TENM2: variants seen among roughly 807,000 people sequenced by gnomAD.
The protein encoded by TENM2 is teneurin-2.
TENM2 carries 52 observed loss-of-function variants against 245.2 expected under a neutral mutation model. The observed-to-expected ratio is 0.21, with a 90% CI of 0.17 to 0.27. The LOEUF (loss-of-function observed/expected upper bound fraction) is 0.27, where lower values mean the gene tolerates loss of function less well. TENM2 is among the 10% of genes least tolerant of loss of function. TENM2 has a pLI of 1.00. For synonymous variants in TENM2, 1,363 were observed against 1,438.9 expected (o/e 0.95, Z 1.19); for missense variants, 3,046 against 3,666.8 (o/e 0.83, Z 4.37).
chr5:167,082,442 C>T, the TENM2 span, among the ~76,000 whole-genome samples: 1 of 152,164 alleles, frequency 6.6e-6, no homozygotes, highest in Non-Finnish European at 1.5e-5. Flanking sequence ...TGCCACCAGG[C>T]TCAGCTAATT....
chr5:167,985,671 C>T (rs1783189695), intron 4 of TENM2, among the ~76,000 whole-genome samples: 1 of 152,210 alleles, frequency 6.6e-6, no homozygotes, highest in African/African-American at 2.4e-5. Flanking sequence ...TTGTATAGTA[C>T]ATTTCTTTTC....
At chr5:167,312,810 C>T (rs1204209727) in intron 1 of TENM2, among the ~76,000 whole-genome samples, 3 of 151,688 alleles carry the variant, frequency 2.0e-5, no homozygotes, top group African/African-American at 7.3e-5. Flanking sequence ...CTGCAGTGTT[C>T]TCGGAGGGTT....
At chr5:168,089,271 C>T (rs1375407609) in intron 7 of TENM2, among the ~76,000 whole-genome samples, 1 of 152,168 alleles carries the variant, frequency 6.6e-6, no homozygotes, top group Non-Finnish European at 1.5e-5. Flanking sequence ...CCCTTTTCAC[C>T]TCACCCCTGG....
At chr5:167,897,645 G>T (rs1335373507) in intron 3 of TENM2, among the ~76,000 whole-genome samples, 1 of 152,106 alleles carries the variant, frequency 6.6e-6, no homozygotes, top group African/African-American at 2.4e-5. Context: ...AAGAGAAACC[G>T]CATTTTTCCC....
chr5:167,161,807 C>G, the TENM2 span, among the ~76,000 whole-genome samples: 1 of 152,142 alleles, frequency 6.6e-6, no homozygotes, highest in Non-Finnish European at 1.5e-5. Flanking sequence ...AGCCAATGCA[C>G]TATTCAGAAT....
chr5:168,162,525 G>T, intron 12 of TENM2, 86 bp from the exon 15 acceptor site: 1 of 1,454,822 alleles, frequency 6.9e-7, no homozygotes, highest in African/African-American at 1.4e-5. Flanking sequence ...GCTGCCCTGC[G>T]GCCTTGCTCC....
chr5:167,248,649 G>A, the TENM2 span, among the ~76,000 whole-genome samples: 20 of 152,010 alleles, frequency 1.3e-4, no homozygotes, highest in African/African-American at 4.3e-4. Context: ...TTGGTGGCGG[G>A]GTGGCAAAGC....
intron 2 of TENM2, among the ~76,000 whole-genome samples, chr5:167,563,798 T>C (rs1265134825): frequency 2.0e-5 from 3 of 152,346 alleles, no homozygotes; most frequent in African/African-American, 4.8e-5. Flanking sequence ...CATTGTGTTA[T>C]AATTGCCTAC....
the TENM2 span, among the ~76,000 whole-genome samples, chr5:167,243,353 G>T: frequency 6.6e-6 from 1 of 152,122 alleles, no homozygotes; most frequent in African/African-American, 2.4e-5. Flanking sequence ...CCTCATGGCT[G>T]GTCAGGTTCC....
At chr5:167,251,158 A>C in the TENM2 span, among the ~76,000 whole-genome samples, 1 of 152,106 alleles carries the variant, frequency 6.6e-6, no homozygotes, top group East Asian at 1.9e-4. Flanking sequence ...AGGAAAGAAA[A>C]GGAACGTGTT....
At chr5:167,510,269 A>G (rs192662981) in intron 2 of TENM2, among the ~76,000 whole-genome samples, 1 of 152,328 alleles carries the variant, frequency 6.6e-6, no homozygotes, top group Admixed American at 6.5e-5. Flanking sequence ...TCTAAGTGCA[A>G]CACTGTGCTT....
intron 1 of TENM2, among the ~76,000 whole-genome samples, chr5:167,295,386 T>G (rs957387526): frequency 1.3e-5 from 2 of 152,252 alleles, no homozygotes; most frequent in Admixed American, 6.5e-5. Flanking sequence ...GTGCCACATG[T>G]TGCAGTTAAG....
At chr5:167,822,182 T>TAA (rs977418214) in intron 2 of TENM2, among the ~76,000 whole-genome samples, 4 of 151,890 alleles carry the variant, frequency 2.6e-5, no homozygotes, top group Non-Finnish European at 5.9e-5. Flanking sequence ...ATTAAAAATG[T>TAA]AACACCCACG....
intron 3 of TENM2, among the ~76,000 whole-genome samples, chr5:167,936,718 G>C (rs1380266712): frequency 1.3e-5 from 2 of 152,142 alleles, no homozygotes; most frequent in South Asian, 2.1e-4. Flanking sequence ...ACAAATACAG[G>C]TTTCTGGAAC....
At chr5:167,119,246 C>G in the TENM2 span, among the ~76,000 whole-genome samples, 1 of 152,190 alleles carries the variant, frequency 6.6e-6, no homozygotes, top group Non-Finnish European at 1.5e-5. Context: ...AAAAATCACA[C>G]ATTTAAACTT....
chr5:167,660,921 A>C (rs1259685777), intron 2 of TENM2, among the ~76,000 whole-genome samples: 1 of 152,210 alleles, frequency 6.6e-6, no homozygotes, highest in Non-Finnish European at 1.5e-5. Flanking sequence ...CATCTTTTTA[A>C]GAGCATATTT....
intron 2 of TENM2, among the ~76,000 whole-genome samples, chr5:167,579,453 G>C (rs950368362): frequency 6.6e-6 from 1 of 152,150 alleles, no homozygotes; most frequent in African/African-American, 2.4e-5. Context: ...TCTGTTATTT[G>C]TTAGGCACCA....
At chr5:167,755,038 C>A in intron 2 of TENM2, 2 of 1,592,460 alleles carry the variant, frequency 1.3e-6, no homozygotes, top group South Asian at 1.1e-5. Context: ...GAGCGGCCCA[C>A]TCCCAGCTTA....
chr5:167,350,888 G>GATATATACAT (rs2127842744), intron 1 of TENM2, among the ~76,000 whole-genome samples: 1 of 75,640 alleles, frequency 1.3e-5, no homozygotes, highest in African/African-American at 4.2e-5. Flanking sequence ...ATATATATGG[G>GATATATACAT]ATGTATACAT....
Sources: allele counts gnomAD v4.1 joint callset (sites outside exome capture counted in the v4.1 genomes callset), GRCh38; gene constraint gnomAD v4.1.1; transcripts MANE v1.5; gene names NCBI Gene and HGNC (gene_info 2026-07-23, HGNC 2026-07-21).